Variants in GRID2 observed in about 807,000 individuals in gnomAD.
GRID2 encodes the protein glutamate receptor ionotropic, delta-2.
GRID2 carries 33 observed loss-of-function variants against 114.8 expected under a neutral mutation model. The observed-to-expected ratio is 0.29, with a 90% CI of 0.22 to 0.38. The LOEUF is 0.38. Among genes scored for constraint, GRID2 ranks in the 10% least tolerant of loss-of-function variants. The probability of loss-of-function intolerance (pLI) is 1.00; values close to 1 mark genes in which losing one functional copy is unlikely to be tolerated. For missense variants in GRID2, 1,184 were observed against 1,257.7 expected (o/e 0.94, Z 0.89); for synonymous variants, 505 against 449.9 (o/e 1.12, Z -1.55).
intron 1 of GRID2, among the ~76,000 whole-genome samples, chr4:92,382,751 T>A (rs1729681669): frequency 6.6e-6 from 1 of 151,988 alleles, no homozygotes; most frequent in Non-Finnish European, 1.5e-5. Flanking sequence ...CAAATATATA[T>A]TTTATGTGTA....
intron 2 of GRID2, among the ~76,000 whole-genome samples, chr4:92,792,174 CT>C (rs1739620906): frequency 6.6e-6 from 1 of 151,696 alleles, no homozygotes; most frequent in South Asian, 2.1e-4. Context: ...GCTTTAAGCT[CT>C]TCCCTGAACA....
chr4:92,743,279 C>T (rs1010876606), intron 2 of GRID2, among the ~76,000 whole-genome samples: 1 of 152,168 alleles, frequency 6.6e-6, no homozygotes, highest in African/African-American at 2.4e-5. Flanking sequence ...CCTGTCTCAA[C>T]AAATCGTCAT....
Position 93,465,528 on chromosome 4 carries a change from A to T in GRID2, c.1858+9554A>T, listed in dbSNP as rs532584105. Among the ~76,000 whole-genome samples the T allele has an allele frequency of 3.9e-5, 6 of 152,312 alleles. No homozygotes were observed. In the East Asian group the frequency reaches 1.2e-3, roughly 29 times the overall value. Reference sequence around the variant, plus strand: ...TCTAGGTGACTCAGTTCACCAGATAATAATTACTGACTTCATCAGGTGTTT... The same window carrying T: ...TCTAGGTGACTCAGTTCACCAGATATTAATTACTGACTTCATCAGGTGTTT... On this transcript the variant is annotated intron_variant, in intron 11 of 15. Transcript: ENST00000282020.
chr4:92,939,271 A>G lies in GRID2; in HGVS notation c.245-145724A>G, dbSNP rs1172438124. Among the ~76,000 whole-genome samples the G allele has an allele frequency of 2.7e-5, 4 of 147,220 alleles. 1 individual carries two copies. The highest frequency in any genetic ancestry group is 2.2e-4 in the Admixed American group (3 of 13,670). On this transcript the variant is annotated intron_variant, in intron 2 of 15. Coordinates refer to ENST00000282020, the MANE Select transcript of GRID2 (RefSeq NM_001510.4). ...TGATTGCCATTCTAACTGGTGGGAG[A>G]TGATATCTCATTGTGGTTTTGATTT...
At chr4:92,994,633 T>TCTTAATTC (rs1424102925) in intron 2 of GRID2, among the ~76,000 whole-genome samples, 85 of 152,246 alleles carry the variant, frequency 5.6e-4, no homozygotes, top group African/African-American at 2.0e-3. Flanking sequence ...CTATCATTGT[T>TCTTAATTC]CTTAATTCTT....
At chr4:93,510,449 T>A (rs1340015202) in intron 12 of GRID2, among the ~76,000 whole-genome samples, 1 of 152,184 alleles carries the variant, frequency 6.6e-6, no homozygotes, top group Non-Finnish European at 1.5e-5. Flanking sequence ...ACAGAGGGGT[T>A]ACGCATTAGA....
intron 1 of GRID2, among the ~76,000 whole-genome samples, chr4:92,407,461 C>G (rs1022798784): frequency 6.6e-6 from 1 of 152,142 alleles, no homozygotes. Context: ...AGTGGGATTG[C>G]TGTGTCACAT....
At chr4:92,844,739 T>C (rs563409815) in intron 2 of GRID2, among the ~76,000 whole-genome samples, 1 of 150,900 alleles carries the variant, frequency 6.6e-6, no homozygotes, top group Non-Finnish European at 1.5e-5. Flanking sequence ...AAAAAAAGAT[T>C]GAATTTGATG....
In GRID2 at chr4:92,667,848, A is replaced by G. The variant is rs559580805; in HGVS notation, c.244+77562A>G. ...AATTAAATAAGTTGTTTGCGTTTCTAAAACAGACAACAAGATATAGTTAAA... is the reference window on the plus strand; with the variant it reads ...AATTAAATAAGTTGTTTGCGTTTCTGAAACAGACAACAAGATATAGTTAAA... On this transcript the variant is annotated intron_variant, in intron 2 of 15. Transcript: ENST00000282020. Among the ~76,000 whole-genome samples, 3 of 151,924 alleles carry G rather than the reference A, an allele frequency of 2.0e-5. No homozygotes were observed. The East Asian group carries it at 5.8e-4, about 29-fold the overall frequency.
intron 1 of GRID2, among the ~76,000 whole-genome samples, chr4:93,799,400 G>A (rs879899781): frequency 3.3e-5 from 5 of 151,042 alleles, no homozygotes; most frequent in Non-Finnish European, 7.4e-5. Context: ...CCTAAAACTT[G>A]GTCATATGCT....
At chr4:92,547,349 C>T (rs1013918363) in intron 1 of GRID2, among the ~76,000 whole-genome samples, 2 of 152,112 alleles carry the variant, frequency 1.3e-5, no homozygotes, top group African/African-American at 4.8e-5. Context: ...TTTACAGGCA[C>T]AGTTCAGGTA....
chr4:93,522,190 G>T (rs1730403840), intron 13 of GRID2, among the ~76,000 whole-genome samples: 1 of 152,088 alleles, frequency 6.6e-6, no homozygotes, highest in Non-Finnish European at 1.5e-5. Context: ...ATGTGGTGGT[G>T]GGAGCATAAG....
chr4:92,682,363 A>G (rs1733689314), intron 2 of GRID2, among the ~76,000 whole-genome samples: 2 of 152,180 alleles, frequency 1.3e-5, no homozygotes, highest in Non-Finnish European at 2.9e-5. Context: ...GGCTCTCTGT[A>G]TGGTCCGTAG....
At chr4:92,664,701 G>T (rs1732683000) in intron 2 of GRID2, among the ~76,000 whole-genome samples, 1 of 151,080 alleles carries the variant, frequency 6.6e-6, no homozygotes, top group South Asian at 2.1e-4. Flanking sequence ...TTTGCTTCAT[G>T]TATTTGATGT....
intron 4 of GRID2, among the ~76,000 whole-genome samples, chr4:93,173,710 A>G (rs1287915942): frequency 6.6e-6 from 1 of 151,796 alleles, no homozygotes; most frequent in Non-Finnish European, 1.5e-5. Flanking sequence ...GCTCACTGCA[A>G]CCTCCACCCC....
At chr4:93,078,364 C>T (rs1729523849) in intron 2 of GRID2, among the ~76,000 whole-genome samples, 1 of 152,062 alleles carries the variant, frequency 6.6e-6, no homozygotes, top group Admixed American at 6.6e-5. Context: ...CTGGAACCTA[C>T]TCAGTATGTC....
chr4:92,402,751 A>T lies in GRID2; in HGVS notation c.88+98007A>T, dbSNP rs142275105. On this transcript the variant is annotated intron_variant, in intron 1 of 15. Coordinates refer to ENST00000282020, the MANE Select transcript of GRID2 (RefSeq NM_001510.4). ...TCTTAAGGCCCCTAGGATGTTCAGA[A>T]TGGTAAATGAGCATTGGCTTCCTCT... Among the ~76,000 whole-genome samples, 690 of 152,300 alleles carry T rather than the reference A, an allele frequency of 4.5e-3. 6 individuals are homozygous for T. The highest frequency in any genetic ancestry group is 0.015 in the African/African-American group (603 of 41,560).
At chr4:93,616,030 A>G (rs1741604086) in intron 13 of GRID2, among the ~76,000 whole-genome samples, 1 of 152,172 alleles carries the variant, frequency 6.6e-6, no homozygotes, top group African/African-American at 2.4e-5. Context: ...CATTTTAGCC[A>G]TTCATAGTCA....
intron 1 of GRID2, among the ~76,000 whole-genome samples, chr4:92,313,090 T>A (rs1364297984): frequency 6.9e-6 from 1 of 145,028 alleles, no homozygotes; most frequent in East Asian, 2.0e-4. Flanking sequence ...TATGTGTGTG[T>A]GTGTGTGTGT....
Sources: gnomAD v4.1 joint callset for allele counts (sites outside exome capture counted in the v4.1 genomes callset) on GRCh38, gnomAD v4.1.1 for gene constraint, MANE v1.5 for transcripts, NCBI Gene and HGNC (gene_info 2026-07-23, HGNC 2026-07-21) for gene names.